Variants in WDPCP observed in about 807,000 individuals in gnomAD.
The protein encoded by WDPCP is WD repeat-containing and planar cell polarity effector protein fritz homolog.
In WDPCP, 71 loss-of-function variants were observed where a neutral mutation model predicts 93.1. The observed-to-expected ratio is 0.76, with a 90% CI of 0.63 to 0.93. The LOEUF (loss-of-function observed/expected upper bound fraction) is 0.93. Ranked by LOEUF, WDPCP falls within the 40% of genes least tolerant of loss-of-function variation. The pLI is 0.00. For missense variants in WDPCP, 844 were observed against 887.4 expected (o/e 0.95, Z 0.62); for synonymous variants, 315 against 315.0 (o/e 1.00, Z 0.00).
At chr2:63,382,418 G>T (rs1224946183) in intron 10 of WDPCP, among the ~76,000 whole-genome samples, 1 of 151,788 alleles carries the variant, frequency 6.6e-6, no homozygotes, top group African/African-American at 2.4e-5. Flanking sequence ...TAATTTCTGT[G>T]TATTAAATGA....
chr2:63,752,481 G>C, intron 2 of WDPCP: 1 of 775,768 alleles, frequency 1.3e-6, no homozygotes. Context: ...CCCCTGGAGC[G>C]CTTGGTGTTG....
At chr2:63,313,038 G>A (rs1342041187) in intron 13 of WDPCP, among the ~76,000 whole-genome samples, 1 of 152,046 alleles carries the variant, frequency 6.6e-6, no homozygotes, top group East Asian at 1.9e-4. Context: ...AAGATCCATT[G>A]GAGCCAGCAA....
At chr2:63,538,903 T>C (rs1704508356) in intron 1 of WDPCP, among the ~76,000 whole-genome samples, 1 of 152,188 alleles carries the variant, frequency 6.6e-6, no homozygotes. Flanking sequence ...TGAAAAATTA[T>C]GTAAGGTGAC....
chr2:63,559,913 C>G (rs1197404954), intron 1 of WDPCP, among the ~76,000 whole-genome samples: 3 of 152,144 alleles, frequency 2.0e-5, no homozygotes, highest in Non-Finnish European at 4.4e-5. Flanking sequence ...TGACATTCTT[C>G]ACAGAATTAG....
chr2:63,514,250 A>G (rs1702417406), intron 1 of WDPCP, among the ~76,000 whole-genome samples: 1 of 152,040 alleles, frequency 6.6e-6, no homozygotes, highest in African/African-American at 2.4e-5. Context: ...TATGGGCTAT[A>G]TGGATTTTTT....
chr2:63,615,730 A>T (rs2106633777), intron 3 of WDPCP, among the ~76,000 whole-genome samples: 2 of 152,320 alleles, frequency 1.3e-5, no homozygotes, highest in Middle Eastern at 6.8e-3. Flanking sequence ...CAAGAACTTC[A>T]GGTGCCACCC....
chr2:63,560,343 A>G (rs1706509804), intron 1 of WDPCP, among the ~76,000 whole-genome samples: 1 of 152,230 alleles, frequency 6.6e-6, no homozygotes, highest in African/African-American at 2.4e-5. Flanking sequence ...ACCTCAAACT[A>G]TACTACAAGG....
intron 6 of WDPCP, among the ~76,000 whole-genome samples, chr2:63,456,569 T>C (rs951383587): frequency 6.6e-6 from 1 of 151,542 alleles, no homozygotes; most frequent in African/African-American, 2.4e-5. Flanking sequence ...AACAGAAAGA[T>C]TTCAAATAAG....
At chr2:63,574,496 T>A (rs1160775765) in intron 1 of WDPCP, among the ~76,000 whole-genome samples, 3 of 152,220 alleles carry the variant, frequency 2.0e-5, no homozygotes, top group Non-Finnish European at 4.4e-5. Flanking sequence ...CCAATCAATT[T>A]GTGCTTTTAT....
At chr2:63,281,422 G>A (rs541746439) in intron 13 of WDPCP, among the ~76,000 whole-genome samples, 19 of 152,198 alleles carry the variant, frequency 1.2e-4, no homozygotes, top group Non-Finnish European at 2.8e-4. Flanking sequence ...ACAGTGTGGA[G>A]ATTCTGTGAA....
At chr2:63,536,481 C>G (rs199863035) in intron 1 of WDPCP, among the ~76,000 whole-genome samples, 1 of 152,072 alleles carries the variant, frequency 6.6e-6, no homozygotes, top group Non-Finnish European at 1.5e-5. Context: ...CAATGATAGA[C>G]TGGATCAAGA....
intron 15 of WDPCP, among the ~76,000 whole-genome samples, chr2:63,156,871 A>G (rs1225018879): frequency 1.3e-5 from 2 of 152,196 alleles, no homozygotes; most frequent in Non-Finnish European, 2.9e-5. Flanking sequence ...CTTCTTTAGT[A>G]CAGTGTTCCA....
At chr2:63,200,781 T>C (rs1185888519) in intron 14 of WDPCP, among the ~76,000 whole-genome samples, 1 of 152,088 alleles carries the variant, frequency 6.6e-6, no homozygotes. Flanking sequence ...TAAAAAATAA[T>C]TGTACATTTA....
chr2:63,210,387 T>A (rs1245320687), intron 14 of WDPCP, among the ~76,000 whole-genome samples: 1 of 152,128 alleles, frequency 6.6e-6, no homozygotes, highest in Admixed American at 6.5e-5. Flanking sequence ...GTAATTAATT[T>A]ACACAAATTA....
At chr2:63,213,222 A>C (rs1231103057) in intron 14 of WDPCP, among the ~76,000 whole-genome samples, 1 of 152,232 alleles carries the variant, frequency 6.6e-6, no homozygotes, top group Non-Finnish European at 1.5e-5. Flanking sequence ...CATAGTTGGA[A>C]GTAAAGCACT....
At chr2:63,580,043 C>G (rs1433909685) in intron 1 of WDPCP, among the ~76,000 whole-genome samples, 1 of 152,110 alleles carries the variant, frequency 6.6e-6, no homozygotes, top group Non-Finnish European at 1.5e-5. Flanking sequence ...ATGAGATGAC[C>G]CTCACCAGAA....
chr2:63,228,824 G>A (rs144292994), intron 14 of WDPCP: 2,815 of 152,192 alleles, frequency 0.018, 45 homozygotes, highest in Non-Finnish European at 0.028. Context: ...TCTTAACCCA[G>A]TCTATCATTG....
intron 6 of WDPCP, chr2:63,440,114 G>A (rs957882392): frequency 4.8e-6 from 2 of 418,082 alleles, no homozygotes; most frequent in Non-Finnish European, 8.7e-6. Context: ...ACCTAATTTA[G>A]GCCATGTTTA....
At chr2:63,265,202 A>G (rs894180283) in intron 13 of WDPCP, among the ~76,000 whole-genome samples, 2 of 152,272 alleles carry the variant, frequency 1.3e-5, no homozygotes, top group Non-Finnish European at 2.9e-5. Flanking sequence ...AACAAAATAG[A>G]TATTAGAAAA....
Sources: allele counts gnomAD v4.1 joint callset (sites outside exome capture counted in the v4.1 genomes callset), GRCh38; gene constraint gnomAD v4.1.1; transcripts MANE v1.5; gene names NCBI Gene and HGNC (gene_info 2026-07-23, HGNC 2026-07-21).